SHC4: variants seen among roughly 807,000 people sequenced by gnomAD.
The protein encoded by SHC4 is SHC-transforming protein 4.
A neutral mutation model predicts 69.4 loss-of-function variants in SHC4; 41 were observed. The ratio of observed to expected loss-of-function variants is 0.59; its 90% CI spans 0.46 to 0.77. The LOEUF (loss-of-function observed/expected upper bound fraction) is 0.77, where lower values mean the gene tolerates loss of function less well. Among genes scored for constraint, SHC4 ranks in the 30% least tolerant of loss-of-function variants. The pLI, the probability that SHC4 is intolerant of heterozygous loss-of-function variation, is 0.00. For missense variants in SHC4, 777 were observed against 783.8 expected, an observed-to-expected ratio of 0.99 and a Z score of 0.10; for synonymous variants, 318 against 299.3, an observed-to-expected ratio of 1.06 and a Z score of -0.64.
chr15:48,903,569 A>G (rs1037598410), intron 2 of SHC4, among the ~76,000 whole-genome samples: 1 of 152,200 alleles, frequency 6.6e-6, no homozygotes, highest in Non-Finnish European at 1.5e-5. Context: ...AGGAGCCTCC[A>G]TGTAATCTGT....
Position 48,963,530 on chromosome 15 carries a change from T to G in SHC4, c.-515A>C, listed in dbSNP as rs1318697568. On this transcript the variant is annotated 5_prime_UTR_variant, in exon 1 of 12. Transcript: ENST00000332408. ...CCTATTAACCCTTTATTTGTTCCAGTGATTGTTCATTTAAAAAGGAAAAAA... is the reference window on the plus strand; with the variant it reads ...CCTATTAACCCTTTATTTGTTCCAGGGATTGTTCATTTAAAAAGGAAAAAA... The G allele has an allele frequency of 6.5e-6, 1 of 153,998 alleles. No individual in the cohort carries two copies. The highest frequency in any genetic ancestry group is 1.4e-5 in the Non-Finnish European group (1 of 69,398). The allele number at this position is 153,998 out of a possible 1,614,324, so 9.5% of individuals were successfully genotyped here. A position where few individuals can be genotyped will look rare whatever the true frequency, so the allele number is the denominator to read the frequency against.
At chr15:48,897,603 GGGA>G (rs998329412) in intron 2 of SHC4, among the ~76,000 whole-genome samples, 6 of 147,662 alleles carry the variant, frequency 4.1e-5, no homozygotes, top group African/African-American at 1.5e-4. Flanking sequence ...AGCATTTAAT[GGGA>G]GGAGAGGCTG....
chr15:48,915,671 C>T (rs1345158141), intron 2 of SHC4, among the ~76,000 whole-genome samples: 1 of 152,208 alleles, frequency 6.6e-6, no homozygotes, highest in Non-Finnish European at 1.5e-5. Flanking sequence ...TGAACCTTGA[C>T]CCTTGGACAG....
intron 1 of SHC4, among the ~76,000 whole-genome samples, chr15:48,956,940 CT>C (rs1441360435): frequency 1.4e-5 from 2 of 141,758 alleles, no homozygotes; most frequent in Non-Finnish European, 3.1e-5. Flanking sequence ...ACTTCTTCTT[CT>C]TTTTTTCTTT....
intron 4 of SHC4, among the ~76,000 whole-genome samples, chr15:48,883,236 A>G (rs1466505006): frequency 1.3e-5 from 2 of 152,162 alleles, no homozygotes; most frequent in Non-Finnish European, 2.9e-5. Context: ...ATTTACATCT[A>G]TTATCTCATT....
At chr15:48,896,384 G>C (rs1366196310) in intron 2 of SHC4, among the ~76,000 whole-genome samples, 1 of 148,562 alleles carries the variant, frequency 6.7e-6, no homozygotes, top group Non-Finnish European at 1.5e-5. Flanking sequence ...TCAATGGCAT[G>C]ATCTCAGCTC....
In SHC4 at chr15:48,875,050, A is replaced by T. The variant is rs575080659; in HGVS notation, c.841-2908T>A. ...GAAAAGGGGGAAAGATCCAGTGATGAGACTGCAGAAGACTTTAAGACTGCC... is the reference window on the plus strand; with the variant it reads ...GAAAAGGGGGAAAGATCCAGTGATGTGACTGCAGAAGACTTTAAGACTGCC... On this transcript the variant is annotated intron_variant, in intron 4 of 11. Coordinates refer to ENST00000332408, the MANE Select transcript of SHC4 (RefSeq NM_203349.4). Among the ~76,000 whole-genome samples the T allele has an allele frequency of 5.3e-5, 8 of 152,376 alleles. No individual in the cohort carries two copies. In the South Asian group the frequency reaches 1.7e-3, roughly 32 times the overall value.
chr15:48,886,881 A>C (rs1210738828), intron 3 of SHC4, among the ~76,000 whole-genome samples: 2 of 152,210 alleles, frequency 1.3e-5, no homozygotes, highest in Non-Finnish European at 2.9e-5. Context: ...GAGAAGGCTG[A>C]GGATGGGATA....
chr15:48,894,433 G>A (rs1225851127), intron 2 of SHC4, among the ~76,000 whole-genome samples: 1 of 152,156 alleles, frequency 6.6e-6, no homozygotes, highest in African/African-American at 2.4e-5. Flanking sequence ...AGTTTTGCTA[G>A]TGTGAGGCAA....
intron 1 of SHC4, among the ~76,000 whole-genome samples, chr15:48,926,434 C>A (rs1320600076): frequency 6.6e-6 from 1 of 151,752 alleles, no homozygotes; most frequent in Non-Finnish European, 1.5e-5. Context: ...GGGCACCTAC[C>A]CAAACACTTC....
At chr15:48,855,255 C>T (rs1899288466) in intron 8 of SHC4, among the ~76,000 whole-genome samples, 1 of 151,734 alleles carries the variant, frequency 6.6e-6, no homozygotes. Context: ...AAAATAACAA[C>T]AACAAAAAAG....
intron 5 of SHC4, among the ~76,000 whole-genome samples, chr15:48,870,659 A>G (rs1010974099): frequency 3.3e-5 from 5 of 152,010 alleles, no homozygotes; most frequent in African/African-American, 1.2e-4. Flanking sequence ...CCTGAGTGAC[A>G]AGAGTGAGAC....
intron 6 of SHC4, among the ~76,000 whole-genome samples, chr15:48,864,271 ATAG>A (rs896535991): frequency 9.2e-5 from 14 of 152,130 alleles, no homozygotes; most frequent in Non-Finnish European, 1.6e-4. Flanking sequence ...AAATATCTAA[ATAG>A]TCATCAAGTA....
At chr15:48,932,743 C>G (rs1900992040) in intron 1 of SHC4, among the ~76,000 whole-genome samples, 1 of 152,154 alleles carries the variant, frequency 6.6e-6, no homozygotes, top group African/African-American at 2.4e-5. Context: ...CTTCTATACT[C>G]TGTATGAACT....
rs1354172861 is a variant in SHC4 at position 48,851,188 on chromosome 15, C to CTAT, written c.1300_1302dup (p.Ile434dup). The stretch of plus-strand genomic sequence containing the variant: ...AGATGGAGAAGGGCATTGTACCTAC[C>CTAT]TATTGCCCTGCTTTGTTCTAAACAG... On this transcript the variant is annotated inframe_insertion and splice_region_variant, in exon 9 of 12. Coordinates refer to ENST00000332408, the MANE Select transcript of SHC4 (RefSeq NM_203349.4). 6.2e-7 allele frequency: 1 copy of CTAT among 1,613,802 alleles called. No homozygotes were observed. The highest frequency in any genetic ancestry group is 1.7e-5 in the Admixed American group (1 of 60,014).
chr15:48,930,777 G>A (rs1900949731), intron 1 of SHC4, among the ~76,000 whole-genome samples: 1 of 152,140 alleles, frequency 6.6e-6, no homozygotes, highest in South Asian at 2.1e-4. Flanking sequence ...AAACACAGCA[G>A]GATATTTCTG....
intron 1 of SHC4, among the ~76,000 whole-genome samples, chr15:48,943,418 A>G (rs1164788735): frequency 6.6e-6 from 1 of 152,194 alleles, no homozygotes; most frequent in East Asian, 1.9e-4. Context: ...CCATGTTGTC[A>G]CAAATGACAA....
At chr15:48,931,615 ACC>A (rs765850027) in intron 1 of SHC4, among the ~76,000 whole-genome samples, 2 of 151,630 alleles carry the variant, frequency 1.3e-5, no homozygotes, top group African/African-American at 4.8e-5. Context: ...TCTGCACACT[ACC>A]CCCAGCATTT....
chr15:48,909,721 T>C (rs975848589), intron 2 of SHC4, among the ~76,000 whole-genome samples: 4 of 152,164 alleles, frequency 2.6e-5, no homozygotes, highest in Non-Finnish European at 5.9e-5. Flanking sequence ...TAAATTAAGG[T>C]GTGTCCTTTG....
Sources: gnomAD v4.1 joint callset for allele counts (sites outside exome capture counted in the v4.1 genomes callset) on GRCh38, gnomAD v4.1.1 for gene constraint, MANE v1.5 for transcripts, NCBI Gene and HGNC (gene_info 2026-07-23, HGNC 2026-07-21) for gene names.